GPBP1L1: variants seen among roughly 807,000 people sequenced by gnomAD.
GPBP1L1 encodes GC-rich promoter binding protein 1 like 1.
GPBP1L1 carries 23 observed loss-of-function variants against 52.5 expected under a neutral mutation model. That is an observed-to-expected ratio of 0.44 (90% CI 0.32 to 0.62). The LOEUF (loss-of-function observed/expected upper bound fraction) is 0.62. Among genes scored for constraint, GPBP1L1 ranks in the 20% least tolerant of loss-of-function variants. The pLI is 0.06. For missense variants in GPBP1L1, 596 were observed against 579.3 expected, an observed-to-expected ratio of 1.03 and a Z score of -0.30; for synonymous variants, 243 against 203.1, an observed-to-expected ratio of 1.20 and a Z score of -1.67.
At chr1:45,658,378 G>C (rs532862495) in intron 4 of GPBP1L1, among the ~76,000 whole-genome samples, 7 of 152,180 alleles carry the variant, frequency 4.6e-5, no homozygotes, top group African/African-American at 1.4e-4. Context: ...AGGTTAGCAA[G>C]TACGTTTAAT....
chr1:45,642,528 T>C (rs1644687518), intron 6 of GPBP1L1, 29 bp from the exon 7 acceptor site: 1 of 1,568,160 alleles, frequency 6.4e-7, no homozygotes, highest in Non-Finnish European at 8.8e-7. Context: ...GAATGGTTGA[T>C]ACAGAAAGCT....
At chr1:45,666,039 C>T (rs189044099) in intron 2 of GPBP1L1, among the ~76,000 whole-genome samples, 13 of 152,186 alleles carry the variant, frequency 8.5e-5, no homozygotes, top group Admixed American at 5.9e-4. Context: ...AAGAAATAAG[C>T]CTTTCCCCCA....
intron 8 of GPBP1L1, 93 bp downstream of exon 8, chr1:45,640,117 G>T: frequency 1.1e-6 from 1 of 895,598 alleles, no homozygotes; most frequent in Non-Finnish European, 1.7e-6. Context: ...TCTGGTGACT[G>T]ATGCGGCAAG....
At chr1:45,651,606 T>C in intron 6 of GPBP1L1, 1 of 677,824 alleles carries the variant, frequency 1.5e-6, no homozygotes, top group Non-Finnish European at 2.7e-6. Context: ...GGAGGCATTT[T>C]CAGCTGCATA....
intron 2 of GPBP1L1, among the ~76,000 whole-genome samples, chr1:45,685,148 A>T (rs143699870): frequency 6.6e-6 from 1 of 152,134 alleles, no homozygotes; most frequent in South Asian, 2.1e-4. Flanking sequence ...GTATGTTTTC[A>T]CTTGTTAAAA....
In GPBP1L1 at chr1:45,658,990, C is replaced by A. The variant is rs548752726; in HGVS notation, c.60+38G>T. On this transcript the variant is annotated intron_variant, in intron 4 of 12. Transcript: ENST00000355105. ...AACCAAAACCACCCCCAAACCCTCT[C>A]ATATTTGAGAAGTTACTACAGGAAT... 135 of 1,385,382 alleles carry A rather than the reference C, an allele frequency of 9.7e-5. 2 individuals carry two copies. In the African/African-American group the frequency reaches 1.5e-3, roughly 15 times the overall value. The allele number at this position is 1,385,382 out of a possible 1,614,324, so 85.8% of individuals were successfully genotyped here.
At chr1:45,644,471 A>G (rs1313410974) in intron 6 of GPBP1L1, among the ~76,000 whole-genome samples, 1 of 152,240 alleles carries the variant, frequency 6.6e-6, no homozygotes. Flanking sequence ...TTTAAGCAAC[A>G]TAACATTACC....
chr1:45,633,399 T>C, intron 10 of GPBP1L1, 90 bp downstream of exon 10: 1 of 1,348,764 alleles, frequency 7.4e-7, no homozygotes, highest in Non-Finnish European at 1.0e-6. Context: ...TTAAAAATCT[T>C]GCCACATCTT....
At chr1:45,662,728 T>A (rs912301388) in intron 2 of GPBP1L1, among the ~76,000 whole-genome samples, 1 of 152,156 alleles carries the variant, frequency 6.6e-6, no homozygotes, top group Non-Finnish European at 1.5e-5. Flanking sequence ...ACTATTCACT[T>A]ATTGCTCTTT....
At chr1:45,632,116 C>T (rs1428052256) in intron 10 of GPBP1L1, among the ~76,000 whole-genome samples, 1 of 152,154 alleles carries the variant, frequency 6.6e-6, no homozygotes, top group Non-Finnish European at 1.5e-5. Context: ...GGTCTAATTC[C>T]TTATCAGAAC....
chr1:45,640,094 T>G, intron 8 of GPBP1L1, 116 bp downstream of exon 8: 1 of 697,702 alleles, frequency 1.4e-6, no homozygotes, highest in Non-Finnish European at 2.4e-6. Context: ...ATATAACAGG[T>G]ACTGAAAGAA....
chr1:45,661,323 CAAG>C (rs1188992261), intron 2 of GPBP1L1, 98 bp from the exon 3 acceptor site: 1 of 152,176 alleles, frequency 6.6e-6, no homozygotes, highest in Non-Finnish European at 1.5e-5. Context: ...ATAATGAAAT[CAAG>C]GTCCTGAGAG....
intron 11 of GPBP1L1, 40 bp downstream of exon 11, chr1:45,630,442 G>A: frequency 6.2e-7 from 1 of 1,608,074 alleles, no homozygotes; most frequent in Non-Finnish European, 8.5e-7. Flanking sequence ...GGTCCTTAAA[G>A]GTCAGACACT....
intron 2 of GPBP1L1, among the ~76,000 whole-genome samples, chr1:45,673,878 A>G (rs1011907280): frequency 1.3e-5 from 2 of 152,164 alleles, no homozygotes; most frequent in Non-Finnish European, 2.9e-5. Context: ...AACAAAAAAA[A>G]TTGTTTTCTA....
chr1:45,669,761 TTGA>T (rs1645052822), intron 2 of GPBP1L1, among the ~76,000 whole-genome samples: 2 of 152,218 alleles, frequency 1.3e-5, no homozygotes, highest in African/African-American at 4.8e-5. Flanking sequence ...AAAATAATTT[TTGA>T]TGGATTGTGA....
In GPBP1L1 at chr1:45,628,168, T is replaced by A; in HGVS notation, c.*88A>T. 5 of 1,241,052 alleles carry A rather than the reference T, an allele frequency of 4.0e-6. No individual in the cohort carries two copies. The highest frequency in any genetic ancestry group is 5.7e-6 in the Non-Finnish European group (5 of 871,780). 76.9% of individuals were successfully genotyped at this position (1,241,052 alleles called of 1,614,324 possible). Reference sequence around the variant, plus strand: ...CTTGTGAATGAAGTATTCAACAACATAAGAAAAGGAAAAGAACGATTTCTT... The same window carrying A: ...CTTGTGAATGAAGTATTCAACAACAAAAGAAAAGGAAAAGAACGATTTCTT... On this transcript the variant is annotated 3_prime_UTR_variant, in exon 13 of 13. Coordinates refer to ENST00000355105, the MANE Select transcript of GPBP1L1 (RefSeq NM_021639.5).
In GPBP1L1 at chr1:45,640,322, G is replaced by C. The variant is rs1340883020; in HGVS notation, c.632C>G (p.Ser211Cys). Reference protein sequence around the residue: ...VSKEDPAAAFSAAFTSPGSHH... With the variant: ...VSKEDPAAAFCAAFTSPGSHH... ...AGATCCTGGTGAGGTGAATGCAGCA[G>C]AGAAGGCAGCAGCAGGATCCTCTTT... The change falls in exon 8 of 13, where the codon TCT becomes TGT. Residue 211 changes from serine (S) to cysteine (C), a missense_variant. Ser to Cys is a moderately radical substitution (Grantham distance 112, BLOSUM62 -1). Transcript: ENST00000355105. 16 of 1,614,118 alleles carry C rather than the reference G, an allele frequency of 9.9e-6. No individual in the cohort carries two copies. Among genetic ancestry groups the C allele is most frequent in the Non-Finnish European group, 1.4e-5 (16 of 1,179,962 alleles).
intron 6 of GPBP1L1, among the ~76,000 whole-genome samples, chr1:45,642,839 G>A (rs1415744115): frequency 2.0e-5 from 3 of 152,192 alleles, no homozygotes; most frequent in Non-Finnish European, 4.4e-5. Flanking sequence ...GAACAAGAAT[G>A]TGGATCATTT....
chr1:45,647,176 T>C (rs554861364), intron 6 of GPBP1L1, among the ~76,000 whole-genome samples: 1,558 of 151,254 alleles, frequency 0.01, 33 homozygotes, highest in African/African-American at 0.036. Flanking sequence ...ATTTTTTTTT[T>C]TTTTTTTCTG....
Sources: allele counts gnomAD v4.1 joint callset (sites outside exome capture counted in the v4.1 genomes callset), GRCh38; gene constraint gnomAD v4.1.1; transcripts MANE v1.5; gene names NCBI Gene and HGNC (gene_info 2026-07-23, HGNC 2026-07-21).